The following ALMS1 variants were observed in gnomAD, a reference collection of about 807,000 sequenced individuals.
The protein encoded by ALMS1 is centrosome-associated protein ALMS1.
In ALMS1, 271 loss-of-function variants were observed where a neutral mutation model predicts 352.2. The ratio of observed to expected loss-of-function variants is 0.77; its 90% confidence interval spans 0.70 to 0.85. ALMS1 has a LOEUF of 0.85. Ranked by LOEUF, ALMS1 falls within the 40% of genes least tolerant of loss-of-function variation. The probability of loss-of-function intolerance (pLI) is 0.00; values close to 1 mark genes in which losing one functional copy is unlikely to be tolerated. For synonymous variants in ALMS1, 1,865 were observed against 1,761.2 expected, an observed-to-expected ratio of 1.06 and a Z score of -1.48; for missense variants, 5,445 against 4,870.7, an observed-to-expected ratio of 1.12 and a Z score of -3.51.
At chr2:73,592,159 A>G (rs1184087357) in intron 16 of ALMS1, among the ~76,000 whole-genome samples, 1 of 152,234 alleles carries the variant, frequency 6.6e-6, no homozygotes, top group Non-Finnish European at 1.5e-5. Context: ...AAATTTTTCA[A>G]GAACCTGTTA....
chr2:73,442,445 A>G (rs967468965), intron 7 of ALMS1, among the ~76,000 whole-genome samples: 4 of 152,118 alleles, frequency 2.6e-5, no homozygotes, highest in African/African-American at 9.7e-5. Flanking sequence ...GCTTCATTCC[A>G]TATTGTTCTC....
chr2:73,423,077 A>G (rs547002668), intron 4 of ALMS1, 103 bp downstream of exon 4: 11 of 1,019,054 alleles, frequency 1.1e-5, no homozygotes, highest in African/African-American at 4.8e-5. Context: ...TGGGGCTTAG[A>G]TACTCTTAGG....
At chr2:73,485,057 A>G (rs1430112159) in intron 9 of ALMS1, among the ~76,000 whole-genome samples, 1 of 152,156 alleles carries the variant, frequency 6.6e-6, no homozygotes, top group Non-Finnish European at 1.5e-5. Flanking sequence ...GATCGTCTGA[A>G]GCCTTCTTCT....
chr2:73,461,028 C>G (rs1262811580), intron 9 of ALMS1, among the ~76,000 whole-genome samples: 1 of 152,250 alleles, frequency 6.6e-6, no homozygotes, highest in African/African-American at 2.4e-5. Context: ...CATAGCCAAA[C>G]AAAAGGCAGC....
chr2:73,537,774 A>G (rs1674062540), intron 12 of ALMS1, among the ~76,000 whole-genome samples: 1 of 152,170 alleles, frequency 6.6e-6, no homozygotes, highest in African/African-American at 2.4e-5. Flanking sequence ...TGGGAGGCCA[A>G]GATGGGAGGA....
Position 73,385,927 on chromosome 2 carries a change from AGG to A in ALMS1, c.60_61del (p.Glu21GlyfsTer105). On this transcript the variant is annotated frameshift_variant, in exon 1 of 23. Transcript: ENST00000613296. LOFTEE classifies it high-confidence loss of function. ...CTGGAGGAGGAGGAGGAGGAGGAGGAGGAGGAGGAGGAGGAAGAGGAGGAGGC... is the reference window on the plus strand; with the variant it reads ...CTGGAGGAGGAGGAGGAGGAGGAGGAAGGAGGAGGAGGAAGAGGAGGAGGC... 7 of 1,023,970 alleles carry A rather than the reference AGG, an allele frequency of 6.8e-6. No individual in the cohort carries two copies. Among genetic ancestry groups the A allele is most frequent in the African/African-American group, 3.2e-5 (2 of 62,752 alleles). The allele number at this position is 1,023,970 out of a possible 1,614,324, so 63.4% of individuals were successfully genotyped here.
intron 13 of ALMS1, among the ~76,000 whole-genome samples, chr2:73,556,635 T>C (rs1209363247): frequency 9.5e-5 from 9 of 95,188 alleles, no homozygotes; most frequent in African/African-American, 2.0e-4. Flanking sequence ...GATCTTTCCT[T>C]TTTTTTTTTG....
At chr2:73,541,685 T>C (rs1394638065) in intron 12 of ALMS1, among the ~76,000 whole-genome samples, 1 of 152,014 alleles carries the variant, frequency 6.6e-6, no homozygotes, top group East Asian at 1.9e-4. Flanking sequence ...ATAAAGGGGA[T>C]ATCACCACCG....
At chr2:73,460,145 T>G (rs893974665) in intron 9 of ALMS1, among the ~76,000 whole-genome samples, 2 of 152,182 alleles carry the variant, frequency 1.3e-5, no homozygotes, top group Non-Finnish European at 2.9e-5. Context: ...CCTTGTATGT[T>G]TCTCCCTCAG....
chr2:73,449,452 T>C lies in ALMS1; in HGVS notation c.2925T>C (p.Pro975=), dbSNP rs751486678. Residue 975 remains proline (P), a synonymous_variant, in exon 8 of 23, where the codon CCT becomes CCC. Coordinates refer to ENST00000613296, the MANE Select transcript of ALMS1 (RefSeq NM_001378454.1). ...YQQELPDSDL[P]RESLKMSAIP... is the part of the protein sequence containing the mutation. ...AAGAGTTGCCAGACAGTGATCTACCTAGAGAATCTCTGAAAATGTCTGCTA... is the reference window on the plus strand; with the variant it reads ...AAGAGTTGCCAGACAGTGATCTACCCAGAGAATCTCTGAAAATGTCTGCTA... 43 of 1,613,918 alleles carry C rather than the reference T, an allele frequency of 2.7e-5. No homozygotes were observed. The South Asian group carries it at 4.7e-4, about 18-fold the overall frequency.
At chr2:73,599,546 TCATTGAAATA>T (rs1262191631) in intron 17 of ALMS1, 25 bp downstream of exon 17, 2 of 1,608,968 alleles carry the variant, frequency 1.2e-6, no homozygotes, top group South Asian at 2.2e-5. Context: ...CTAAACTTTT[TCATTGAAATA>T]CATTGAAATG....
intron 12 of ALMS1, among the ~76,000 whole-genome samples, chr2:73,546,835 G>T: frequency 6.6e-6 from 1 of 152,144 alleles, no homozygotes; most frequent in Non-Finnish European, 1.5e-5. Context: ...CAAATTTAAA[G>T]ATCTGATTGG....
chr2:73,609,541 C>A (rs557780094), intron 22 of ALMS1, 27 bp from the exon 23 acceptor site: 1 of 1,613,336 alleles, frequency 6.2e-7, no homozygotes, highest in East Asian at 2.2e-5. Flanking sequence ...TATCTAACTT[C>A]TTTCCTGCCT....
At chr2:73,599,254 G>A in intron 16 of ALMS1, 147 bp from the exon 17 acceptor site, 2 of 1,007,226 alleles carry the variant, frequency 2.0e-6, no homozygotes, top group Non-Finnish European at 3.1e-6. Flanking sequence ...ATACAAGGCA[G>A]CAAGTTCACA....
Position 73,490,360 on chromosome 2 carries a change from G to T in ALMS1, c.8401G>T (p.Asp2801Tyr), listed in dbSNP as rs780847401. 6.2e-7 allele frequency: 1 copy of T among 1,612,780 alleles called. No individual in the cohort carries two copies. Residue 2801 changes from aspartate to tyrosine, a missense_variant, in exon 10 of 23, where the codon GAT (aspartate) becomes TAT (tyrosine). Asp to Tyr is a radical substitution (Grantham distance 160). Coordinates refer to ENST00000613296, the MANE Select transcript of ALMS1 (RefSeq NM_001378454.1). ...GRRQSQKLPV[D>Y]FERSFQEEKP... is the part of the protein sequence containing the mutation. ...AAGGCAAAGCCAAAAATTACCTGTT[G>T]ATTTTGAGCGTTCTTTTCAAGAAGA...
intron 6 of ALMS1, among the ~76,000 whole-genome samples, chr2:73,429,076 C>T (rs1046534036): frequency 6.6e-6 from 1 of 152,066 alleles, no homozygotes; most frequent in Non-Finnish European, 1.5e-5. Flanking sequence ...TCCTGATCTG[C>T]ATAAGGAAAT....
intron 15 of ALMS1, among the ~76,000 whole-genome samples, chr2:73,561,419 G>C (rs111596725): frequency 6.6e-6 from 1 of 152,206 alleles, no homozygotes; most frequent in Non-Finnish European, 1.5e-5. Flanking sequence ...GGCTGTGCCT[G>C]TTGCTGCCTC....
chr2:73,451,616 C>A lies in ALMS1; in HGVS notation c.5089C>A (p.Pro1697Thr). The change falls in exon 8 of 23, where the codon CCA becomes ACA. Residue 1697 changes from proline (P) to threonine (T), a missense_variant. Coordinates refer to ENST00000613296, the MANE Select transcript of ALMS1 (RefSeq NM_001378454.1). Reference protein sequence around the residue: ...EALKVPPVPGPDAQKTETPSV... With the variant: ...EALKVPPVPGTDAQKTETPSV... The stretch of plus-strand genomic sequence containing the variant: ...TCTGAAAGTTCCACCTGTTCCTGGA[C>A]CAGATGCCCAGAAGACTGAGACACC... 1 of 1,614,080 alleles carries A rather than the reference C, an allele frequency of 6.2e-7. No individual in the cohort carries two copies. The highest frequency in any genetic ancestry group is 8.5e-7 in the Non-Finnish European group (1 of 1,179,996).
rs537073903 is a variant in ALMS1 at position 73,524,670 on chromosome 2, C to T, written c.9781+4654C>T. Among the ~76,000 whole-genome samples the T allele has an allele frequency of 2.0e-5, 3 of 152,190 alleles. No individual in the cohort carries two copies. In the East Asian group the frequency reaches 5.8e-4, roughly 29 times the overall value. On this transcript the variant is annotated intron_variant, in intron 11 of 22. Transcript: ENST00000613296. Reference sequence around the variant, plus strand: ...GTTTCACCATGTTGGCCAGGCTGGTCTCGAACTCCTGATCTCAAGTGATCT... The same window carrying T: ...GTTTCACCATGTTGGCCAGGCTGGTTTCGAACTCCTGATCTCAAGTGATCT...
Sources: allele counts gnomAD v4.1 joint callset (sites outside exome capture counted in the v4.1 genomes callset), GRCh38; gene constraint gnomAD v4.1.1; transcripts MANE v1.5; gene names NCBI Gene and HGNC (gene_info 2026-07-23, HGNC 2026-07-21).